Variants in NBAS observed in about 807,000 individuals in gnomAD.
NBAS encodes NBAS subunit of NRZ tethering complex, also known as NAG/BC035112 fusion.
Under a neutral mutation model 302.5 loss-of-function variants are expected in NBAS, and 219 were observed. That is an observed-to-expected ratio of 0.72 (90% CI 0.65 to 0.81). The LOEUF (loss-of-function observed/expected upper bound fraction) is 0.81. Among genes scored for constraint, NBAS ranks in the 30% least tolerant of loss-of-function variants. The pLI, the probability that NBAS is intolerant of heterozygous loss-of-function variation, is 0.00. For synonymous variants in NBAS, 1,118 were observed against 1,021.6 expected, an observed-to-expected ratio of 1.09 and a Z score of -1.80; for missense variants, 2,932 against 2,841.6, an observed-to-expected ratio of 1.03 and a Z score of -0.72.
At chr2:15,222,164 C>T (rs1666974673) in intron 47 of NBAS, among the ~76,000 whole-genome samples, 1 of 152,162 alleles carries the variant, frequency 6.6e-6, no homozygotes, top group Admixed American at 6.5e-5. Context: ...TTAAGGATAT[C>T]TGATCTTTTT....
At chr2:15,325,361 A>C (rs1161996808) in intron 38 of NBAS, among the ~76,000 whole-genome samples, 1 of 150,586 alleles carries the variant, frequency 6.6e-6, no homozygotes, top group African/African-American at 2.5e-5. Flanking sequence ...CATATATCTT[A>C]ATTTAAAAAT....
chr2:15,474,024 C>A (rs1182730321), intron 15 of NBAS, 43 bp downstream of exon 15: 1 of 1,612,640 alleles, frequency 6.2e-7, no homozygotes. Flanking sequence ...AAAAGAAAAG[C>A]TTGATGACTT....
intron 9 of NBAS, among the ~76,000 whole-genome samples, chr2:15,522,917 T>A (rs1406819974): frequency 6.6e-6 from 1 of 152,224 alleles, no homozygotes; most frequent in African/African-American, 2.4e-5. Context: ...AATGAAAATA[T>A]TAAGAAAAAT....
At chr2:14,847,310 G>C in the NBAS span, among the ~76,000 whole-genome samples, 4 of 149,048 alleles carry the variant, frequency 2.7e-5, no homozygotes, top group African/African-American at 5.0e-5. Context: ...ATGAACCCAG[G>C]AGGCGGAGCT....
chr2:15,234,809 C>A, intron 45 of NBAS, 62 bp from the exon 46 acceptor site: 1 of 1,511,794 alleles, frequency 6.6e-7, no homozygotes, highest in Non-Finnish European at 9.2e-7. Context: ...TCTACATGCA[C>A]AAAGTGAAAC....
intron 48 of NBAS, among the ~76,000 whole-genome samples, chr2:15,208,581 C>T (rs1311008390): frequency 6.6e-6 from 1 of 152,028 alleles, no homozygotes; most frequent in Admixed American, 6.6e-5. Flanking sequence ...GAATATTTCC[C>T]CCAACAGCTG....
intron 9 of NBAS, among the ~76,000 whole-genome samples, chr2:15,531,840 T>C (rs200069214): frequency 6.6e-6 from 1 of 152,198 alleles, no homozygotes; most frequent in East Asian, 1.9e-4. Context: ...CCTTCCTCAA[T>C]GAGGGTAATG....
chr2:15,262,860 T>C (rs1041911441), intron 44 of NBAS, among the ~76,000 whole-genome samples: 2 of 152,234 alleles, frequency 1.3e-5, no homozygotes, highest in Non-Finnish European at 2.9e-5. Context: ...AAAATGGTTC[T>C]ATAATGATTA....
chr2:15,475,717 A>T lies in NBAS; in HGVS notation c.1311T>A (p.Ala437=), dbSNP rs757799044. The change falls in exon 14 of 52, where the codon GCT becomes GCA. Residue 437 remains alanine, a synonymous_variant. Coordinates refer to ENST00000281513, the MANE Select transcript of NBAS (RefSeq NM_015909.4). ...AACTTAAAAATCCCCCATCATGGGT[A>T]GCAGTGACTTGAGGTGATGGTTCAA... ...EWFEPSPQVT[A]THDGGFLSLE... The T allele has an allele frequency of 2.5e-6, 4 of 1,614,030 alleles. No individual in the cohort carries two copies. The highest frequency in any genetic ancestry group is 3.3e-5 in the Admixed American group (2 of 60,012).
intron 48 of NBAS, among the ~76,000 whole-genome samples, chr2:15,195,575 C>T (rs1275931606): frequency 1.3e-5 from 2 of 152,108 alleles, no homozygotes; most frequent in African/African-American, 4.8e-5. Flanking sequence ...ACAGACTCCA[C>T]TCCCTTGACA....
intron 44 of NBAS, among the ~76,000 whole-genome samples, chr2:15,245,456 T>C (rs1668051022): frequency 6.6e-6 from 1 of 152,166 alleles, no homozygotes; most frequent in Admixed American, 6.5e-5. Context: ...CCATGAAACA[T>C]GGCACTCTCT....
At position 15,393,907 on chromosome 2, in the gene NBAS, A is replaced by C. The variant is rs1325484572; in HGVS notation, c.3257+320T>G. On this transcript the variant is annotated intron_variant, in intron 28 of 51. Transcript: ENST00000281513. ...TATAAAATTCTAGGAAATGCAAAGTAATATACAGAAGTAAAGAAAATAGAT... is the reference window on the plus strand; with the variant it reads ...TATAAAATTCTAGGAAATGCAAAGTCATATACAGAAGTAAAGAAAATAGAT... Among the ~76,000 whole-genome samples the C allele has an allele frequency of 2.0e-5, 3 of 152,244 alleles. No individual in the cohort carries two copies. The East Asian group carries it at 5.8e-4, about 29-fold the overall frequency.
the NBAS span, among the ~76,000 whole-genome samples, chr2:15,019,304 T>A: frequency 1.3e-5 from 2 of 152,200 alleles, no homozygotes; most frequent in Admixed American, 1.3e-4. Context: ...TGGTTATAAT[T>A]ATACATGAGG....
chr2:15,553,962 A>C (rs944880852), intron 4 of NBAS, 99 bp downstream of exon 4: 1 of 1,042,012 alleles, frequency 9.6e-7, no homozygotes, highest in African/African-American at 1.6e-5. Context: ...ACACAATAAA[A>C]ATCAAGACTG....
intron 47 of NBAS, among the ~76,000 whole-genome samples, chr2:15,225,608 A>G (rs1038697047): frequency 1.6e-4 from 25 of 152,224 alleles, no homozygotes; most frequent in Admixed American, 9.8e-4. Flanking sequence ...ACATTGTTCA[A>G]TATTTATATG....
chr2:15,129,767 C>T, the NBAS span, among the ~76,000 whole-genome samples: 1 of 152,218 alleles, frequency 6.6e-6, no homozygotes. Context: ...TTTGAGTTCT[C>T]ATGAGTTCTC....
At chr2:15,160,233 C>A in the NBAS span, among the ~76,000 whole-genome samples, 1 of 151,976 alleles carries the variant, frequency 6.6e-6, no homozygotes, top group African/African-American at 2.4e-5. Flanking sequence ...GTAGAAAATG[C>A]CAGGTTCAGA....
At chr2:14,909,365 C>CAAAAAAAAAAAAAA in the NBAS span, among the ~76,000 whole-genome samples, 2 of 50,122 alleles carry the variant, frequency 4.0e-5, no homozygotes, top group Admixed American at 1.8e-4. Flanking sequence ...GGGAGAGTTT[C>CAAAAAAAAAAAAAA]TAAAAAAAAA....
intron 49 of NBAS, 120 bp downstream of exon 49, chr2:15,190,144 T>C: frequency 8.6e-7 from 1 of 1,156,754 alleles, no homozygotes; most frequent in Admixed American, 2.2e-5. Flanking sequence ...TAAAGGCAAA[T>C]ACTGACTACG....
Sources: allele counts gnomAD v4.1 joint callset (sites outside exome capture counted in the v4.1 genomes callset), GRCh38; gene constraint gnomAD v4.1.1; transcripts MANE v1.5; gene names NCBI Gene and HGNC (gene_info 2026-07-23, HGNC 2026-07-21).